FGF13: variants seen among roughly 807,000 people sequenced by gnomAD.
FGF13 encodes fibroblast growth factor homologous factor 2.
In FGF13, 2 loss-of-function variants were observed where a neutral mutation model predicts 19.5. The ratio of observed to expected loss-of-function variants is 0.10; its 90% CI spans 0.04 to 0.32. FGF13 has a LOEUF of 0.32. Among genes scored for constraint, FGF13 ranks in the 10% least tolerant of loss-of-function variants. FGF13 has a pLI of 1.00. For missense variants in FGF13, 113 were observed against 192.7 expected, an observed-to-expected ratio of 0.59 and a Z score of 2.45; for synonymous variants, 72 against 76.9, an observed-to-expected ratio of 0.94 and a Z score of 0.33.
At chrX:138,747,809 C>T (rs1255734337) in intron 3 of FGF13, among the ~76,000 whole-genome samples, 1 of 111,419 alleles carries the variant, frequency 9.0e-6, no homozygotes, top group Non-Finnish European at 1.9e-5. Flanking sequence ...GAGGCCATCT[C>T]CACTGCTTCT....
At chrX:138,771,200 G>T (rs1182250815) in intron 3 of FGF13, among the ~76,000 whole-genome samples, 1 of 111,584 alleles carries the variant, frequency 9.0e-6, no homozygotes, top group Non-Finnish European at 1.9e-5. Context: ...ATGTAAGTTG[G>T]TTGTACTCAG....
chrX:138,844,596 G>A (rs1160458970), intron 3 of FGF13, among the ~76,000 whole-genome samples: 3 of 112,119 alleles, frequency 2.7e-5, no homozygotes, highest in Admixed American at 1.9e-4. Flanking sequence ...AATTAGCAAC[G>A]ATTTACCGCA....
chrX:138,800,325 G>A (rs186726189), intron 3 of FGF13, among the ~76,000 whole-genome samples: 26 of 111,475 alleles, frequency 2.3e-4, no homozygotes, highest in Non-Finnish European at 4.0e-4. Flanking sequence ...TTTCTGCTTC[G>A]CTTATGAAGC....
At chrX:138,821,534 G>A (rs1330579240) in intron 3 of FGF13, among the ~76,000 whole-genome samples, 2 of 111,431 alleles carry the variant, frequency 1.8e-5, no homozygotes, top group Non-Finnish European at 3.8e-5. Context: ...ATCTATACAA[G>A]ATTTTGAAGA....
intron 1 of FGF13, among the ~76,000 whole-genome samples, chrX:138,987,078 G>A (rs947106470): frequency 5.4e-5 from 6 of 112,044 alleles, no homozygotes; most frequent in African/African-American, 1.9e-4. Flanking sequence ...AAATGGCCCA[G>A]CCACACTTCA....
At chrX:138,751,101 T>C (rs2090394726) in intron 3 of FGF13, among the ~76,000 whole-genome samples, 1 of 111,781 alleles carries the variant, frequency 8.9e-6, no homozygotes, top group Non-Finnish European at 1.9e-5. Context: ...ATATATCCAC[T>C]GGCTTTTGTC....
intron 3 of FGF13, among the ~76,000 whole-genome samples, chrX:138,824,940 G>A (rs1351071703): frequency 8.9e-6 from 1 of 111,858 alleles, no homozygotes; most frequent in East Asian, 2.8e-4. Context: ...TCTCCTCTGG[G>A]CATTTCCTCC....
intron 1 of FGF13, among the ~76,000 whole-genome samples, chrX:138,948,213 A>G (rs1008610377): frequency 9.0e-6 from 1 of 111,364 alleles, no homozygotes; most frequent in Non-Finnish European, 1.9e-5. Context: ...ACACCTATAA[A>G]CCCTCCAGTA....
chrX:138,906,972 CT>C (rs2091561810), intron 1 of FGF13, among the ~76,000 whole-genome samples: 1 of 111,902 alleles, frequency 8.9e-6, no homozygotes, highest in Non-Finnish European at 1.9e-5. Flanking sequence ...TAAGCTACTA[CT>C]TTTTCCCCCT....
rs2089134502 is a variant in FGF13 at position 138,632,828 on chromosome X, G to A, written c.*22C>T. ...CCTGGAGGTAAGGTTCTGTTACAGA[G>A]CCCTTCTTTTGCCCTCACTGGCTAC... On this transcript the variant is annotated 3_prime_UTR_variant, in exon 5 of 5. Coordinates refer to ENST00000315930, the MANE Select transcript of FGF13 (RefSeq NM_004114.5). The A allele has an allele frequency of 1.7e-6, 2 of 1,198,872 alleles. No individual in the cohort carries two copies. Among genetic ancestry groups the A allele is most frequent in the African/African-American group, 1.8e-5 (1 of 56,782 alleles).
At chrX:138,766,823 C>A (rs1490620932) in intron 3 of FGF13, among the ~76,000 whole-genome samples, 1 of 112,136 alleles carries the variant, frequency 8.9e-6, no homozygotes, top group African/African-American at 3.2e-5. Context: ...ATCTTTAATC[C>A]ATTTTGAGTT....
chrX:138,694,637 TA>T (rs1467422398), intron 3 of FGF13, among the ~76,000 whole-genome samples: 4 of 107,325 alleles, frequency 3.7e-5, no homozygotes, highest in African/African-American at 1.4e-4. Flanking sequence ...TATTTATTTT[TA>T]TTTTTTTAAA....
chrX:138,751,498 A>C (rs1038694733), intron 3 of FGF13, among the ~76,000 whole-genome samples: 1 of 111,653 alleles, frequency 9.0e-6, no homozygotes, highest in Non-Finnish European at 1.9e-5. Context: ...AACTCTTCTA[A>C]GTGTGTCTTG....
intron 3 of FGF13, among the ~76,000 whole-genome samples, chrX:138,669,618 G>A (rs1052350940): frequency 9.0e-6 from 1 of 111,148 alleles, no homozygotes; most frequent in Non-Finnish European, 1.9e-5. Context: ...GTTGATAAGA[G>A]TATACTGGAA....
chrX:139,146,954 C>T (rs953994685), intron 1 of FGF13, among the ~76,000 whole-genome samples: 1 of 104,661 alleles, frequency 9.6e-6, no homozygotes, highest in African/African-American at 3.5e-5. Flanking sequence ...GAACATCACA[C>T]ACCGGGGCCT....
At chrX:139,173,212 A>T (rs2084148153) in intron 1 of FGF13, among the ~76,000 whole-genome samples, 1 of 111,239 alleles carries the variant, frequency 9.0e-6, no homozygotes. Context: ...TGCTACAAGA[A>T]ATCAGAAGAT....
chrX:138,787,326 A>G, intron 3 of FGF13, among the ~76,000 whole-genome samples: 1 of 112,066 alleles, frequency 8.9e-6, no homozygotes, highest in South Asian at 3.8e-4. Flanking sequence ...TGTCTTAGTC[A>G]TTTGGGGCAG....
intron 3 of FGF13, among the ~76,000 whole-genome samples, chrX:138,675,568 TATGA>T (rs1186089695): frequency 1.8e-5 from 2 of 111,774 alleles, no homozygotes; most frequent in African/African-American, 6.5e-5. Flanking sequence ...ATAAAATAAG[TATGA>T]ATAACATCTA....
intron 1 of FGF13, among the ~76,000 whole-genome samples, chrX:139,063,207 T>G (rs1603172506): frequency 9.0e-6 from 1 of 111,465 alleles, no homozygotes; most frequent in East Asian, 2.8e-4. Context: ...AATGTTTTTA[T>G]AACATTTTCT....
Sources: gnomAD v4.1 joint callset for allele counts (sites outside exome capture counted in the v4.1 genomes callset) on GRCh38, gnomAD v4.1.1 for gene constraint, MANE v1.5 for transcripts, NCBI Gene and HGNC (gene_info 2026-07-23, HGNC 2026-07-21) for gene names.